Variants in SYNRG observed in about 807,000 individuals in gnomAD.
SYNRG encodes AP1 gamma subunit binding protein 1.
A neutral mutation model predicts 130.9 loss-of-function variants in SYNRG; 37 were observed. The ratio of observed to expected loss-of-function variants is 0.28; its 90% CI spans 0.22 to 0.37. The LOEUF (loss-of-function observed/expected upper bound fraction) is 0.37. SYNRG is among the 10% of genes least tolerant of loss of function. The pLI is 1.00. For synonymous variants in SYNRG, 539 were observed against 568.1 expected (o/e 0.95, Z 0.73); for missense variants, 1,338 against 1,588.9 (o/e 0.84, Z 2.68).
chr17:37,543,237 T>C (rs972997277), intron 14 of SYNRG, among the ~76,000 whole-genome samples: 3 of 152,136 alleles, frequency 2.0e-5, no homozygotes, highest in Admixed American at 1.3e-4. Context: ...TGATCTACTT[T>C]AGCCCTTAAA....
intron 2 of SYNRG, among the ~76,000 whole-genome samples, 183 bp downstream of exon 2, chr17:37,600,180 A>G (rs958569323): frequency 2.6e-5 from 4 of 152,224 alleles, no homozygotes; most frequent in Non-Finnish European, 5.9e-5. Context: ...ATTACTCCCA[A>G]AATTATATAA....
chr17:37,560,669 A>G (rs930091750), intron 13 of SYNRG, among the ~76,000 whole-genome samples: 5 of 125,914 alleles, frequency 4.0e-5, no homozygotes, highest in Non-Finnish European at 8.5e-5. Context: ...AACAATAGCT[A>G]TTTTTTTTTT....
chr17:37,596,078 A>G, intron 3 of SYNRG, 145 bp downstream of exon 3: 1 of 926,148 alleles, frequency 1.1e-6, no homozygotes, highest in Non-Finnish European at 1.6e-6. Flanking sequence ...TTGGAGGGTG[A>G]ACACATCTTC....
At position 37,553,317 on chromosome 17, in the gene SYNRG, G is replaced by A. The variant is rs1171047063; in HGVS notation, c.2406C>T (p.His802=). The change falls in exon 14 of 22, where the codon CAC becomes CAT. Residue 802 remains histidine (H), a synonymous_variant. Coordinates refer to ENST00000612223, the MANE Select transcript of SYNRG (RefSeq NM_007247.6). ...TCACTGATGCAGAGTCTTCTTTGGT[G>A]TGTCTGAAAGCCACTGCTTTCTCTC... is the stretch of plus-strand genomic sequence containing the variant. ...SLGEKAVAFR[H]TKEDSASVKS... The A allele has an allele frequency of 6.2e-7, 1 of 1,614,200 alleles. No homozygotes were observed. The highest frequency in any genetic ancestry group is 1.1e-5 in the South Asian group (1 of 91,084).
At chr17:37,572,623 G>T (rs1568438457) in intron 8 of SYNRG, among the ~76,000 whole-genome samples, 2 of 152,100 alleles carry the variant, frequency 1.3e-5, no homozygotes, top group African/African-American at 4.8e-5. Context: ...ATGATGGTGG[G>T]AACAGTTTGA....
chr17:37,542,514 G>A lies in SYNRG; in HGVS notation c.2660C>T (p.Ala887Val), dbSNP rs2057856090. ...GTCATAGCTTGTAAGTGTGCTCACT[G>A]CAAAATTGCTACTGTAGCTTCCAAA... ...AAFGSYSSNF[A>V]VSTLTSYDWS... The change falls in exon 15 of 22, where the codon GCA (alanine) becomes GTA (valine). Residue 887 changes from alanine (A) to valine (V), a missense_variant. Ala to Val is a moderately conservative substitution (Grantham distance 64). Coordinates refer to ENST00000612223, the MANE Select transcript of SYNRG (RefSeq NM_007247.6). 6.2e-7 allele frequency: 1 copy of A among 1,612,896 alleles called. No homozygotes were observed. The highest frequency in any genetic ancestry group is 1.1e-5 in the South Asian group (1 of 91,084).
chr17:37,581,747 T>C (rs2061353833), intron 6 of SYNRG, among the ~76,000 whole-genome samples: 1 of 149,664 alleles, frequency 6.7e-6, no homozygotes, highest in East Asian at 2.0e-4. Flanking sequence ...CCACCACTCC[T>C]GGCCCCACAT....
At chr17:37,598,821 A>T (rs775061005) in intron 2 of SYNRG, among the ~76,000 whole-genome samples, 6 of 152,242 alleles carry the variant, frequency 3.9e-5, no homozygotes, top group Non-Finnish European at 7.3e-5. Context: ...TTTTTACTTG[A>T]AAGTGTATAG....
At chr17:37,529,916 C>A (rs185776315) in intron 19 of SYNRG, 380 of 1,453,414 alleles carry the variant, frequency 2.6e-4, no homozygotes, top group Non-Finnish European at 2.1e-5. Flanking sequence ...CAAGTGTTAA[C>A]TGCAGTAAGA....
chr17:37,600,372 G>A lies in SYNRG; in HGVS notation c.109C>T (p.Pro37Ser). ...TTAAGCTCTCACATACCTTGAGGGG[G>A]TCTTATCCCACCTGCAACAGGAAAC... ...FMFPVAGGIR[P>S]PQAGLMPMQQ... Residue 37 changes from proline to serine, a missense_variant, in exon 2 of 22, where the codon CCC becomes TCC. By Grantham distance (74) the Pro-to-Ser change is moderately conservative. Transcript: ENST00000612223. The A allele has an allele frequency of 1.2e-6, 2 of 1,612,770 alleles. No homozygotes were observed. Among genetic ancestry groups the A allele is most frequent in the South Asian group, 1.1e-5 (1 of 90,986 alleles).
At chr17:37,579,328 T>C (rs1303343526) in intron 6 of SYNRG, 1 of 1,304,204 alleles carries the variant, frequency 7.7e-7, no homozygotes, top group East Asian at 5.6e-5. Context: ...AAGGCCCACA[T>C]GGGGGAACTT....
At chr17:37,532,996 A>G (rs8071473) in intron 19 of SYNRG, among the ~76,000 whole-genome samples, 1,525 of 152,330 alleles carry the variant, frequency 0.01, 24 homozygotes, top group African/African-American at 0.033. Flanking sequence ...AAACTACCCA[A>G]TGAAAACTGT....
intron 6 of SYNRG, among the ~76,000 whole-genome samples, chr17:37,582,789 G>A (rs1384620213): frequency 6.6e-6 from 1 of 152,072 alleles, no homozygotes. Flanking sequence ...TGAGCCTGGG[G>A]GGTCATGGCT....
At chr17:37,539,124 G>A (rs1483278589) in intron 17 of SYNRG, 68 bp downstream of exon 17, 1 of 1,599,094 alleles carries the variant, frequency 6.3e-7, no homozygotes, top group Non-Finnish European at 8.5e-7. Flanking sequence ...CAATTCAAAT[G>A]AACCAAGAAG....
chr17:37,554,749 A>G (rs941963204), intron 13 of SYNRG, among the ~76,000 whole-genome samples: 6 of 152,192 alleles, frequency 3.9e-5, no homozygotes, highest in African/African-American at 1.2e-4. Flanking sequence ...TCTCACAGAA[A>G]AAAAGTCCTT....
At chr17:37,594,684 TCTC>T (rs1403560553) in intron 3 of SYNRG, among the ~76,000 whole-genome samples, 1 of 152,064 alleles carries the variant, frequency 6.6e-6, no homozygotes, top group Admixed American at 6.6e-5. Flanking sequence ...CTGGTCTCGA[TCTC>T]CTGAACTCAT....
chr17:37,540,359 T>C (rs529785314), intron 16 of SYNRG, 21 bp downstream of exon 16: 1 of 1,611,966 alleles, frequency 6.2e-7, no homozygotes, highest in Admixed American at 1.7e-5. Flanking sequence ...ACCCACCCCT[T>C]GTAGAAAGCT....
At chr17:37,578,755 G>A (rs2061056500) in intron 6 of SYNRG, among the ~76,000 whole-genome samples, 1 of 152,178 alleles carries the variant, frequency 6.6e-6, no homozygotes, top group African/African-American at 2.4e-5. Flanking sequence ...CTGGGCTTCT[G>A]CCCCCAAGTG....
rs2063117002 is a variant in SYNRG, at chr17:37,599,898, C to A, written c.118+465G>T. On this transcript the variant is annotated intron_variant, in intron 2 of 21. Coordinates refer to ENST00000612223, the MANE Select transcript of SYNRG (RefSeq NM_007247.6). ...AAACAACTAAAGATGTTTGTTTATT[C>A]ATTCAACAAACATCTACAGATAACC... 3.3e-5 allele frequency among the ~76,000 whole-genome samples: 5 copies of A among 152,026 alleles called. 1 individual carries two copies. The highest frequency in any genetic ancestry group is 3.3e-4 in the Admixed American group (5 of 15,270).
Sources: gnomAD v4.1 joint callset for allele counts (sites outside exome capture counted in the v4.1 genomes callset) on GRCh38, gnomAD v4.1.1 for gene constraint, MANE v1.5 for transcripts, NCBI Gene and HGNC (gene_info 2026-07-23, HGNC 2026-07-21) for gene names.